Variants in FAM131B observed in about 807,000 individuals in gnomAD.
The protein encoded by FAM131B is protein FAM131B.
FAM131B carries 19 observed loss-of-function variants against 42.0 expected under a neutral mutation model. The observed-to-expected ratio is 0.45, with a 90% CI of 0.32 to 0.66. FAM131B has a LOEUF of 0.66. Among genes scored for constraint, FAM131B ranks in the 30% least tolerant of loss-of-function variants. FAM131B has a pLI of 0.05. For missense variants in FAM131B, 370 were observed against 468.4 expected, an observed-to-expected ratio of 0.79 and a Z score of 1.94; for synonymous variants, 183 against 177.6, an observed-to-expected ratio of 1.03 and a Z score of -0.24.
In FAM131B at chr7:143,356,735, G is replaced by A. The variant is rs780555101; in HGVS notation, c.898C>T (p.Pro300Ser). 4.3e-6 allele frequency: 7 copies of A among 1,613,926 alleles called. No individual in the cohort carries two copies. The highest frequency in any genetic ancestry group is 3.3e-5 in the South Asian group (3 of 91,082). Residue 300 changes from proline to serine, a missense_variant, in exon 7 of 7, where the codon CCT (proline) becomes TCT (serine). Physicochemically the swap from Pro to Ser is moderately conservative, Grantham distance 74. Transcript: ENST00000443739. This position sits in a 1 kb window ranked among gnomAD's most constrained non-coding sequence, Gnocchi z 4.4. ...AATGGCCTCTTCTCCTCCTCAGCAG[G>A]GCCCCTTGCCAGGTCCACTGCGCCT... The part of the protein sequence containing the change: ...GVGAVDLARG[P>S]AEEEKRPLAP...
chr7:143,369,750 A>G, the FAM131B span, among the ~76,000 whole-genome samples: 1 of 152,178 alleles, frequency 6.6e-6, no homozygotes, highest in Non-Finnish European at 1.5e-5. Context: ...ATTAAAAGAA[A>G]AAAAAAGACC....
At chr7:143,381,245 A>G in the FAM131B span, 4 of 1,018,458 alleles carry the variant, frequency 3.9e-6, no homozygotes, top group Admixed American at 5.9e-5. Flanking sequence ...CGCTCCTTGT[A>G]TGGTCTGGGC....
rs1304780962 is a variant in FAM131B at position 143,353,883 on chromosome 7, A to G, written c.*2667T>C. The G allele has an allele frequency of 2.6e-5, 4 of 151,714 alleles. No homozygotes were observed. The highest frequency in any genetic ancestry group is 9.7e-5 in the African/African-American group (4 of 41,302). The allele number at this position is 151,714 out of a possible 1,614,324, so 9.4% of individuals were successfully genotyped here. ...TGAAAGTGCACCCCCCCTCCAAAAA[A>G]AGAAAATCATTTAGCAAGAGCAGTT... On this transcript the variant is annotated 3_prime_UTR_variant, in exon 7 of 7. Transcript: ENST00000443739.
chr7:143,368,128 T>C, the FAM131B span, among the ~76,000 whole-genome samples: 1 of 152,176 alleles, frequency 6.6e-6, no homozygotes, highest in African/African-American at 2.4e-5. Flanking sequence ...ACACAGCACC[T>C]CAGGGTGTCC....
the FAM131B span, among the ~76,000 whole-genome samples, chr7:143,370,220 A>G: frequency 6.6e-6 from 1 of 152,028 alleles, no homozygotes; most frequent in Admixed American, 6.6e-5. Context: ...CTCTTCCTGG[A>G]GCTCTAGTTT....
upstream of FAM131B, among the ~76,000 whole-genome samples, chr7:143,366,448 A>G (rs1804183355): frequency 6.6e-6 from 1 of 152,080 alleles, no homozygotes; most frequent in Admixed American, 6.5e-5. Flanking sequence ...GTTCTCAAAT[A>G]CCCTATTTGC....
chr7:143,357,618 T>C (rs1248160558), intron 5 of FAM131B, among the ~76,000 whole-genome samples, 195 bp from the exon 6 acceptor site: 1 of 152,246 alleles, frequency 6.6e-6, no homozygotes, highest in African/African-American at 2.4e-5. Context: ...ATAGATCTTA[T>C]TTAATTCGAT....
At chr7:143,375,343 G>A in the FAM131B span, among the ~76,000 whole-genome samples, 1 of 152,180 alleles carries the variant, frequency 6.6e-6, no homozygotes, top group Non-Finnish European at 1.5e-5. Flanking sequence ...ACTGTCTTCT[G>A]GTAGCATCTC....
At position 143,354,583 on chromosome 7, in the gene FAM131B, G is replaced by A. The variant is rs919623242; in HGVS notation, c.*1967C>T. ...CGGGTGGGGAATAGCTGCCAGGGCG[G>A]GCATGCTAGACCACCTCTCAGAGCT... On this transcript the variant is annotated 3_prime_UTR_variant, in exon 7 of 7. Coordinates refer to ENST00000443739, the MANE Select transcript of FAM131B (RefSeq NM_001031690.3). The A allele has an allele frequency of 2.6e-5, 4 of 152,212 alleles. No homozygotes were observed. Among genetic ancestry groups the A allele is most frequent in the African/African-American group, 9.7e-5 (4 of 41,432 alleles). 9.4% of individuals were successfully genotyped at this position (152,212 alleles called of 1,614,324 possible).
At chr7:143,373,581 C>T in the FAM131B span, among the ~76,000 whole-genome samples, 1 of 152,018 alleles carries the variant, frequency 6.6e-6, no homozygotes, top group East Asian at 1.9e-4. Flanking sequence ...TGGTGGGGGG[C>T]GCTGAGGCGG....
At chr7:143,371,491 G>A in the FAM131B span, among the ~76,000 whole-genome samples, 4 of 151,824 alleles carry the variant, frequency 2.6e-5, no homozygotes, top group Admixed American at 1.3e-4. Context: ...GCACATGCCT[G>A]TGGTCCCAGC....
chr7:143,375,791 G>C, the FAM131B span, among the ~76,000 whole-genome samples: 1 of 152,322 alleles, frequency 6.6e-6, no homozygotes, highest in African/African-American at 2.4e-5. Context: ...CCAGCTTCTA[G>C]GCCAGGCTCT....
chr7:143,359,218 G>A lies in FAM131B; in HGVS notation c.268+108C>T. Reference sequence around the variant, plus strand: ...GCTTGACAGAAGGGTGAATAGGTCAGGGGGTGGGGATGAGGGTCTTCATCA... The same window carrying A: ...GCTTGACAGAAGGGTGAATAGGTCAAGGGGTGGGGATGAGGGTCTTCATCA... On this transcript the variant is annotated intron_variant, in intron 4 of 6. Transcript: ENST00000443739. This position sits in a 1 kb window ranked among gnomAD's most constrained non-coding sequence, Gnocchi z 5.4. 2 of 1,029,402 alleles carry A rather than the reference G, an allele frequency of 1.9e-6. No homozygotes were observed. The highest frequency in any genetic ancestry group is 3.0e-6 in the Non-Finnish European group (2 of 674,658). 63.8% of individuals were successfully genotyped at this position (1,029,402 alleles called of 1,614,324 possible).
the FAM131B span, among the ~76,000 whole-genome samples, chr7:143,372,768 C>T: frequency 6.6e-6 from 1 of 151,872 alleles, no homozygotes; most frequent in Non-Finnish European, 1.5e-5. Context: ...AGACCAGCCT[C>T]GCCGACATGG....
At chr7:143,363,687 CT>C (rs1804101468), upstream of FAM131B, among the ~76,000 whole-genome samples, 1 of 152,110 alleles carries the variant, frequency 6.6e-6, no homozygotes, top group African/African-American at 2.4e-5. Context: ...CAAGGAGACC[CT>C]TTTGTCTAAG....
In FAM131B at chr7:143,356,471, AC is replaced by A. The variant is rs1291696872; in HGVS notation, c.*78del. Reference sequence around the variant, plus strand: ...ATGTTGTCTGCCCAGTTTCAGCTGTACTGCTGGGGGGAGGGAGGGTATGGGT... The same window carrying A: ...ATGTTGTCTGCCCAGTTTCAGCTGTATGCTGGGGGGAGGGAGGGTATGGGT... On this transcript the variant is annotated 3_prime_UTR_variant, in exon 7 of 7. Transcript: ENST00000443739. The surrounding 1 kb of genome is among the most constrained non-coding windows in gnomAD (Gnocchi z 4.4). 2.6e-5 allele frequency: 28 copies of A among 1,070,908 alleles called. No homozygotes were observed. Among genetic ancestry groups the A allele is most frequent in the Non-Finnish European group, 3.8e-5 (27 of 712,638 alleles). 66.3% of individuals were successfully genotyped at this position (1,070,908 alleles called of 1,614,324 possible).
the FAM131B span, chr7:143,380,120 G>A: frequency 4.1e-6 from 4 of 985,292 alleles, no homozygotes; most frequent in Non-Finnish European, 4.8e-6. This position sits in a 1 kb window ranked among gnomAD's most constrained non-coding sequence, Gnocchi z 5.0. Flanking sequence ...CTGACAAGAG[G>A]AGAGAAAATG....
At chr7:143,376,860 T>G in the FAM131B span, among the ~76,000 whole-genome samples, 1 of 152,328 alleles carries the variant, frequency 6.6e-6, no homozygotes, top group African/African-American at 2.4e-5. Context: ...CTCCTTTCTT[T>G]TTTCAGATTA....
intron 6 of FAM131B, 113 bp downstream of exon 6, chr7:143,357,167 G>T: frequency 7.9e-7 from 1 of 1,258,396 alleles, no homozygotes; most frequent in Non-Finnish European, 1.1e-6. Flanking sequence ...GAGGACAATG[G>T]GAAAGCTGAG....
Sources: allele counts gnomAD v4.1 joint callset (sites outside exome capture counted in the v4.1 genomes callset), GRCh38; gene constraint gnomAD v4.1.1; non-coding constraint Gnocchi (gnomAD v3.1); transcripts MANE v1.5; gene names NCBI Gene and HGNC (gene_info 2026-07-23, HGNC 2026-07-21).